Variants in CDADC1 observed in about 807,000 individuals in gnomAD.
CDADC1 encodes the protein dCTP deaminase.
In CDADC1, 39 loss-of-function variants were observed where a neutral mutation model predicts 54.9. The observed-to-expected ratio is 0.71, with a 90% CI of 0.55 to 0.93. CDADC1 has a LOEUF of 0.93. CDADC1 is among the 40% of genes least tolerant of loss of function. The pLI is 0.00. For synonymous variants in CDADC1, 186 were observed against 204.0 expected (o/e 0.91, Z 0.75); for missense variants, 518 against 618.8 (o/e 0.84, Z 1.73).
At chr13:49,249,610 T>G (rs1448010966) in intron 2 of CDADC1, among the ~76,000 whole-genome samples, 1 of 152,136 alleles carries the variant, frequency 6.6e-6, no homozygotes, top group African/African-American at 2.4e-5. Context: ...GGTATCCGCC[T>G]GTAGTCCCAG....
chr13:49,265,297 A>G (rs1305411901), intron 4 of CDADC1, among the ~76,000 whole-genome samples: 1 of 152,236 alleles, frequency 6.6e-6, no homozygotes, highest in African/African-American at 2.4e-5. Flanking sequence ...TAAATGTGCA[A>G]AAATTAGAAT....
chr13:49,257,766 A>G (rs1952581315), intron 3 of CDADC1, among the ~76,000 whole-genome samples: 1 of 152,130 alleles, frequency 6.6e-6, no homozygotes, highest in South Asian at 2.1e-4. Flanking sequence ...TCTCAAATCA[A>G]TCAATCAATC....
chr13:49,262,725 T>C (rs1295894436), intron 4 of CDADC1, among the ~76,000 whole-genome samples: 2 of 151,982 alleles, frequency 1.3e-5, no homozygotes, highest in African/African-American at 4.8e-5. Context: ...GAGACAAGGC[T>C]TCACCATGTT....
chr13:49,254,471 C>T (rs1005233033), intron 2 of CDADC1, among the ~76,000 whole-genome samples: 4 of 150,306 alleles, frequency 2.7e-5, no homozygotes, highest in African/African-American at 4.9e-5. Context: ...GGCGTGATCT[C>T]GGCTCACTGC....
In CDADC1 at chr13:49,247,965, G is replaced by A. The variant is rs1156982917; in HGVS notation, c.-73G>A. On this transcript the variant is annotated 5_prime_UTR_variant, in exon 1 of 10. Coordinates refer to ENST00000251108, the MANE Select transcript of CDADC1 (RefSeq NM_030911.4). Reference sequence around the variant, plus strand: ...TACAGTTGCTGAGAGGAGGCGAGAGGCGGGGGCGCTAGGGCCGAGATCATG... The same window carrying A: ...TACAGTTGCTGAGAGGAGGCGAGAGACGGGGGCGCTAGGGCCGAGATCATG... 2.4e-5 allele frequency: 33 copies of A among 1,374,090 alleles called. No individual in the cohort carries two copies. Among genetic ancestry groups the A allele is most frequent in the Non-Finnish European group, 3.0e-5 (30 of 987,582 alleles). 85.1% of individuals were successfully genotyped at this position (1,374,090 alleles called of 1,614,324 possible). A position where few individuals can be genotyped will look rare whatever the true frequency, so the allele number is the denominator to read the frequency against.
intron 2 of CDADC1, among the ~76,000 whole-genome samples, chr13:49,252,503 A>G (rs1157909299): frequency 6.6e-6 from 1 of 152,250 alleles, no homozygotes; most frequent in Non-Finnish European, 1.5e-5. Context: ...TTTAATGTCA[A>G]TAAAGCAGAA....
intron 3 of CDADC1, among the ~76,000 whole-genome samples, chr13:49,257,176 A>C (rs988997306): frequency 6.6e-6 from 1 of 152,206 alleles, no homozygotes; most frequent in Admixed American, 6.5e-5. Context: ...CCTTACCTAG[A>C]TGCAAAATGA....
intron 4 of CDADC1, among the ~76,000 whole-genome samples, chr13:49,260,665 G>A (rs1952660635): frequency 6.6e-6 from 1 of 152,154 alleles, no homozygotes; most frequent in Non-Finnish European, 1.5e-5. Flanking sequence ...TTTGCACCCA[G>A]GTATATGCCG....
In CDADC1 at chr13:49,267,774, T is replaced by C; in HGVS notation, c.715T>C (p.Tyr239His). 1 of 1,611,872 alleles carries C rather than the reference T, an allele frequency of 6.2e-7. No individual in the cohort carries two copies. Among genetic ancestry groups the C allele is most frequent in the Non-Finnish European group, 8.5e-7 (1 of 1,178,406 alleles). The stretch of plus-strand genomic sequence containing the variant: ...ATGTAAACAAGAAAGAATAAAAGAA[T>C]ATGAAATGTTATTTTTGGTTTCAAA... ...YECKQERIKE[Y>H]EMLFLVSNEE... Residue 239 changes from tyrosine to histidine, a missense_variant, in exon 5 of 10, where the codon TAT (tyrosine) becomes CAT (histidine). Physicochemically the swap from Tyr to His is moderately conservative, Grantham distance 83 (BLOSUM62 2). Coordinates refer to ENST00000251108, the MANE Select transcript of CDADC1 (RefSeq NM_030911.4).
chr13:49,282,101 A>T (rs1265444143), intron 8 of CDADC1, among the ~76,000 whole-genome samples: 1 of 152,120 alleles, frequency 6.6e-6, no homozygotes, highest in Non-Finnish European at 1.5e-5. Flanking sequence ...TATAGGCATG[A>T]GCCACCACGA....
chr13:49,259,576 C>T (rs1952623886), intron 4 of CDADC1, 53 bp downstream of exon 4: 33 of 1,550,610 alleles, frequency 2.1e-5, no homozygotes, highest in South Asian at 1.8e-4. Context: ...CTGGGATGGG[C>T]GTGGTGGTTT....
chr13:49,264,146 G>A (rs537067495), intron 4 of CDADC1, among the ~76,000 whole-genome samples: 67 of 152,334 alleles, frequency 4.4e-4, no homozygotes, highest in African/African-American at 1.5e-3. Flanking sequence ...ATTTTAGCTT[G>A]TAACAGTTTT....
chr13:49,282,185 G>A (rs149472357), intron 8 of CDADC1, among the ~76,000 whole-genome samples: 2 of 147,018 alleles, frequency 1.4e-5, no homozygotes, highest in African/African-American at 5.0e-5. Flanking sequence ...GAAAACACAA[G>A]AACTTTTAAG....
chr13:49,272,234 C>A (rs1952985772), intron 5 of CDADC1, among the ~76,000 whole-genome samples: 1 of 152,208 alleles, frequency 6.6e-6, no homozygotes, highest in South Asian at 2.1e-4. Flanking sequence ...TAGATTTATG[C>A]ATAAATTAAA....
intron 3 of CDADC1, among the ~76,000 whole-genome samples, chr13:49,258,889 C>CT (rs1424699529): frequency 6.6e-6 from 1 of 152,182 alleles, no homozygotes; most frequent in African/African-American, 2.4e-5. Context: ...TGCTTTAGTT[C>CT]TGCCTTTTAC....
chr13:49,271,693 A>T (rs1448461304), intron 5 of CDADC1, among the ~76,000 whole-genome samples: 1 of 151,818 alleles, frequency 6.6e-6, no homozygotes, highest in East Asian at 1.9e-4. Flanking sequence ...TGACATGACC[A>T]CAGGATTGGG....
At chr13:49,248,614 A>G (rs1159858145) in intron 1 of CDADC1, 1 of 474,348 alleles carries the variant, frequency 2.1e-6, no homozygotes, top group African/African-American at 1.9e-5. Context: ...AGCTATGTGT[A>G]TTAGCTGTAC....
chr13:49,287,408 G>C (rs1953547915), intron 9 of CDADC1, among the ~76,000 whole-genome samples: 1 of 151,992 alleles, frequency 6.6e-6, no homozygotes, highest in African/African-American at 2.4e-5. Flanking sequence ...TTGCAATTTG[G>C]AAAAAAGTAC....
chr13:49,289,329 C>T lies in CDADC1; in HGVS notation c.1472-2355C>T, dbSNP rs145553028. ...TTTTAGTAGAGACGAGGTTTCACCA[C>T]GTTGGCTAGGCTAGTCTCAAACTCT... On this transcript the variant is annotated intron_variant, in intron 9 of 9. Coordinates refer to ENST00000251108, the MANE Select transcript of CDADC1 (RefSeq NM_030911.4). 3.5e-3 allele frequency among the ~76,000 whole-genome samples: 538 copies of T among 151,856 alleles called. 1 individual carries two copies. The highest frequency in any genetic ancestry group is 6.0e-3 in the Non-Finnish European group (407 of 67,934).
Sources: gnomAD v4.1 joint callset for allele counts (sites outside exome capture counted in the v4.1 genomes callset) on GRCh38, gnomAD v4.1.1 for gene constraint, MANE v1.5 for transcripts, NCBI Gene and HGNC (gene_info 2026-07-23, HGNC 2026-07-21) for gene names.